The following ADAMTS12 variants were observed in gnomAD, a reference collection of about 807,000 sequenced individuals.
ADAMTS12 encodes A disintegrin and metalloproteinase with thrombospondin motifs 12.
ADAMTS12 carries 118 observed loss-of-function variants against 167.8 expected under a neutral mutation model. The ratio of observed to expected loss-of-function variants is 0.70; its 90% CI spans 0.61 to 0.82. ADAMTS12 has a LOEUF of 0.82. ADAMTS12 is among the 40% of genes least tolerant of loss of function. The probability of loss-of-function intolerance (pLI) is 0.00; values close to 1 mark genes in which losing one functional copy is unlikely to be tolerated. For missense variants in ADAMTS12, 1,916 were observed against 1,998.8 expected (o/e 0.96, Z 0.79); for synonymous variants, 704 against 716.9 (o/e 0.98, Z 0.29).
In ADAMTS12 at chr5:33,617,847, G is replaced by A. The variant is rs543383226; in HGVS notation, c.2144-1775C>T. Among the ~76,000 whole-genome samples the A allele has an allele frequency of 2.0e-5, 3 of 151,994 alleles. No individual in the cohort carries two copies. The South Asian group carries it at 6.2e-4, about 32-fold the overall frequency. ...GCTTTTTATTCTTCCACTTAAGAGA[G>A]AAAATCCAAAACTAGAAATATTTAT... is the stretch of plus-strand genomic sequence containing the variant. On this transcript the variant is annotated intron_variant, in intron 14 of 23. Transcript: ENST00000504830.
chr5:33,598,146 CAG>C (rs1238707116), intron 16 of ADAMTS12, among the ~76,000 whole-genome samples: 1 of 152,158 alleles, frequency 6.6e-6, no homozygotes, highest in Non-Finnish European at 1.5e-5. Context: ...AACTATGTGT[CAG>C]AGTTTCTCCA....
At chr5:33,655,202 T>A (rs1741009178) in intron 7 of ADAMTS12, among the ~76,000 whole-genome samples, 1 of 152,176 alleles carries the variant, frequency 6.6e-6, no homozygotes, top group Non-Finnish European at 1.5e-5. Flanking sequence ...CAGATGCTAC[T>A]GGTACCTGTT....
intron 5 of ADAMTS12, among the ~76,000 whole-genome samples, chr5:33,668,813 G>A (rs112682957): frequency 0.01 from 1,546 of 152,242 alleles, 26 homozygotes; most frequent in African/African-American, 0.035. Context: ...ATACTTAGCT[G>A]ATTTTTTCCT....
intron 5 of ADAMTS12, among the ~76,000 whole-genome samples, chr5:33,681,902 C>CA (rs1742134399): frequency 6.6e-6 from 1 of 152,078 alleles, no homozygotes; most frequent in Non-Finnish European, 1.5e-5. Flanking sequence ...CAGGTCACAG[C>CA]AAGAAATTTT....
At chr5:33,674,696 C>A (rs943009659) in intron 5 of ADAMTS12, among the ~76,000 whole-genome samples, 54 of 152,244 alleles carry the variant, frequency 3.5e-4, no homozygotes, top group African/African-American at 1.2e-3. Context: ...GGGACAGGTA[C>A]AGATGCTCGT....
chr5:33,791,007 A>C (rs966217727), intron 2 of ADAMTS12, among the ~76,000 whole-genome samples: 1 of 151,996 alleles, frequency 6.6e-6, no homozygotes, highest in Non-Finnish European at 1.5e-5. Flanking sequence ...CCTCCACTAC[A>C]GAGCATGCGG....
At chr5:33,743,388 A>G (rs934269908) in intron 3 of ADAMTS12, among the ~76,000 whole-genome samples, 2 of 152,206 alleles carry the variant, frequency 1.3e-5, no homozygotes, top group South Asian at 2.1e-4. Flanking sequence ...ACTAAAAACT[A>G]TGTATGCTCT....
chr5:33,664,466 T>G (rs1456410694), intron 5 of ADAMTS12, among the ~76,000 whole-genome samples: 1 of 152,032 alleles, frequency 6.6e-6, no homozygotes, highest in Non-Finnish European at 1.5e-5. Flanking sequence ...AGAAAACAAA[T>G]AATCCAATTG....
At chr5:33,743,658 A>T (rs1744679288) in intron 3 of ADAMTS12, among the ~76,000 whole-genome samples, 1 of 152,112 alleles carries the variant, frequency 6.6e-6, no homozygotes, top group African/African-American at 2.4e-5. Flanking sequence ...GAGTAAATGA[A>T]ATCACTTGCT....
chr5:33,660,416 G>A (rs1741216109), intron 6 of ADAMTS12, among the ~76,000 whole-genome samples: 1 of 152,122 alleles, frequency 6.6e-6, no homozygotes, highest in South Asian at 2.1e-4. Context: ...GTGTCCTTGT[G>A]GGAAGTAAAT....
At chr5:33,682,820 A>G (rs1003316084) in intron 5 of ADAMTS12, among the ~76,000 whole-genome samples, 198 bp downstream of exon 5, 1 of 152,178 alleles carries the variant, frequency 6.6e-6, no homozygotes, top group African/African-American at 2.4e-5. Context: ...AACTATGTAT[A>G]TTTTGGAAAT....
intron 18 of ADAMTS12, among the ~76,000 whole-genome samples, chr5:33,579,420 G>A (rs1272472272): frequency 6.6e-6 from 1 of 152,170 alleles, no homozygotes; most frequent in Non-Finnish European, 1.5e-5. Context: ...AGACTAGATA[G>A]TAACATAATA....
At chr5:33,852,611 A>T (rs1749255916) in intron 2 of ADAMTS12, among the ~76,000 whole-genome samples, 1 of 152,226 alleles carries the variant, frequency 6.6e-6, no homozygotes, top group Non-Finnish European at 1.5e-5. Flanking sequence ...AGAACTATGA[A>T]GGAATGTCTA....
intron 2 of ADAMTS12, among the ~76,000 whole-genome samples, chr5:33,857,759 T>C (rs1017309617): frequency 6.6e-6 from 1 of 152,206 alleles, no homozygotes. Context: ...GAGACAGAGA[T>C]AAACATTATA....
At chr5:33,625,339 A>T (rs1047810712) in intron 13 of ADAMTS12, among the ~76,000 whole-genome samples, 3 of 150,486 alleles carry the variant, frequency 2.0e-5, no homozygotes, top group Non-Finnish European at 3.0e-5. Flanking sequence ...TATGCTAATA[A>T]CAATGGGAAA....
chr5:33,747,683 T>C (rs1744838175), intron 3 of ADAMTS12, among the ~76,000 whole-genome samples: 1 of 152,114 alleles, frequency 6.6e-6, no homozygotes, highest in African/African-American at 2.4e-5. Context: ...GTGTGAAAGA[T>C]TCATGAGATG....
chr5:33,776,320 C>A (rs1277922496), intron 2 of ADAMTS12, among the ~76,000 whole-genome samples: 11 of 152,100 alleles, frequency 7.2e-5, no homozygotes, highest in Non-Finnish European at 1.6e-4. Context: ...CATGTTAGTA[C>A]ACAAAACAAG....
chr5:33,667,328 A>AG (rs1157180231), intron 5 of ADAMTS12, among the ~76,000 whole-genome samples: 3 of 151,754 alleles, frequency 2.0e-5, no homozygotes, highest in South Asian at 4.2e-4. Context: ...AAAAAAAAAA[A>AG]AAAAAAAAAA....
chr5:33,827,733 A>G (rs1748139934), intron 2 of ADAMTS12, among the ~76,000 whole-genome samples: 1 of 151,202 alleles, frequency 6.6e-6, no homozygotes, highest in Admixed American at 6.6e-5. Context: ...ATAGATAGAT[A>G]GATAGATAGA....
Sources: gnomAD v4.1 joint callset for allele counts (sites outside exome capture counted in the v4.1 genomes callset) on GRCh38, gnomAD v4.1.1 for gene constraint, MANE v1.5 for transcripts, NCBI Gene and HGNC (gene_info 2026-07-23, HGNC 2026-07-21) for gene names.